SLIT3: variants seen among roughly 807,000 people sequenced by gnomAD.
SLIT3 encodes the protein slit homolog 3 protein.
Under a neutral mutation model 184.0 loss-of-function variants are expected in SLIT3, and 68 were observed. The observed-to-expected ratio is 0.37, with a 90% CI of 0.30 to 0.45. The LOEUF (loss-of-function observed/expected upper bound fraction) is 0.45, where lower values mean the gene tolerates loss of function less well. Among genes scored for constraint, SLIT3 ranks in the 20% least tolerant of loss-of-function variants. The pLI, the probability that SLIT3 is intolerant of heterozygous loss-of-function variation, is 1.00. For missense variants in SLIT3, 1,707 were observed against 2,026.0 expected (o/e 0.84, Z 3.02); for synonymous variants, 831 against 828.6 (o/e 1.00, Z -0.05).
chr5:168,733,380 T>A (rs1763343845), intron 20 of SLIT3, among the ~76,000 whole-genome samples: 1 of 152,192 alleles, frequency 6.6e-6, no homozygotes, highest in Non-Finnish European at 1.5e-5. Context: ...AACAGTATGG[T>A]GATTTCTCAA....
chr5:169,294,259 GAA>G lies in SLIT3; in HGVS notation c.197+6252_197+6253del, dbSNP rs11324544. Among the ~76,000 whole-genome samples the G allele has an allele frequency of 5.7e-3, 743 of 129,918 alleles. 5 individuals are homozygous for G. The highest frequency in any genetic ancestry group is 0.018 in the African/African-American group (605 of 33,914). 85.2% of individuals were successfully genotyped at this position (129,918 alleles called of 152,430 possible). ...AGGAAAAATAGAAGGAATGAGCATTGAAAAAAAAAAAAAAAGTCAGGGCCAAA... is the reference window on the plus strand; with the variant it reads ...AGGAAAAATAGAAGGAATGAGCATTGAAAAAAAAAAAAAGTCAGGGCCAAA... On this transcript the variant is annotated intron_variant, in intron 1 of 35. Coordinates refer to ENST00000519560, the MANE Select transcript of SLIT3 (RefSeq NM_003062.4).
chr5:168,683,004 T>G (rs1391599223), intron 32 of SLIT3, among the ~76,000 whole-genome samples: 1 of 152,156 alleles, frequency 6.6e-6, no homozygotes, highest in African/African-American at 2.4e-5. Flanking sequence ...GAAAAAAATC[T>G]AACATATCCA....
intron 4 of SLIT3, among the ~76,000 whole-genome samples, chr5:169,121,988 G>C (rs1255860428): frequency 6.6e-6 from 1 of 152,212 alleles, no homozygotes; most frequent in Non-Finnish European, 1.5e-5. Flanking sequence ...CACTCACTCG[G>C]TTTACCAAAT....
At chr5:169,106,548 A>G (rs1561668679) in intron 4 of SLIT3, among the ~76,000 whole-genome samples, 1 of 152,204 alleles carries the variant, frequency 6.6e-6, no homozygotes, top group Non-Finnish European at 1.5e-5. Flanking sequence ...CTTTAAAAAA[A>G]TCACCAGTAT....
intron 22 of SLIT3, 126 bp downstream of exon 22, chr5:168,722,807 C>T (rs1228445874): frequency 1.3e-6 from 1 of 745,694 alleles, no homozygotes. Flanking sequence ...GTATCTTATG[C>T]TAGGGCAGCC....
At chr5:168,816,999 C>T (rs1206761483) in intron 8 of SLIT3, among the ~76,000 whole-genome samples, 2 of 152,180 alleles carry the variant, frequency 1.3e-5, no homozygotes, top group African/African-American at 4.8e-5. Flanking sequence ...TACCTGTTTC[C>T]ATTTTATGTG....
chr5:168,951,515 G>C (rs1350823024), intron 4 of SLIT3, among the ~76,000 whole-genome samples: 1 of 152,190 alleles, frequency 6.6e-6, no homozygotes, highest in East Asian at 1.9e-4. Flanking sequence ...GTCAAAGCAC[G>C]AAGGTTCTTG....
intron 4 of SLIT3, among the ~76,000 whole-genome samples, chr5:168,935,313 A>G (rs898437060): frequency 1.3e-5 from 2 of 152,090 alleles, no homozygotes; most frequent in African/African-American, 4.8e-5. Flanking sequence ...TCCACTTCCT[A>G]AAGTCTGAAC....
At chr5:169,229,008 C>T (rs899281711) in intron 3 of SLIT3, among the ~76,000 whole-genome samples, 10 of 152,134 alleles carry the variant, frequency 6.6e-5, no homozygotes, top group African/African-American at 2.4e-4. Flanking sequence ...TCAGCTCTCT[C>T]GTTAAAGGTC....
intron 4 of SLIT3, among the ~76,000 whole-genome samples, chr5:169,067,084 T>C (rs1235887800): frequency 6.6e-6 from 1 of 152,234 alleles, no homozygotes; most frequent in Admixed American, 6.5e-5. Flanking sequence ...GACATCTTTG[T>C]TTATTCTTAT....
rs73802391 is a variant in SLIT3, at chr5:168,762,639, C to A, written c.1510G>T (p.Val504Leu). ...TCACAGCGACACTTCTCGGGGCACA[C>A]GAGGTCCATGAAGCACTCGCTGCTG... is the stretch of plus-strand genomic sequence containing the variant. The part of the protein sequence containing the change: ...RFSSECFMDL[V>L]CPEKCRCEGT... The change falls in exon 15 of 36, where the codon GTG becomes TTG. Residue 504 changes from valine to leucine, a missense_variant. Transcript: ENST00000519560. 1.2e-6 allele frequency: 2 copies of A among 1,614,122 alleles called. No homozygotes were observed. The highest frequency in any genetic ancestry group is 1.7e-6 in the Non-Finnish European group (2 of 1,180,024).
At chr5:168,686,001 A>C (rs1761732121) in intron 30 of SLIT3, 74 bp from the exon 31 acceptor site, 1 of 1,483,002 alleles carries the variant, frequency 6.7e-7, no homozygotes, top group African/African-American at 1.4e-5. Flanking sequence ...ACTCAGGCCA[A>C]AGAACCTCGA....
At chr5:168,727,453 C>T (rs1462921255) in intron 20 of SLIT3, among the ~76,000 whole-genome samples, 1 of 152,200 alleles carries the variant, frequency 6.6e-6, no homozygotes, top group African/African-American at 2.4e-5. Context: ...AGAATGCAGC[C>T]TGTGGACAGT....
chr5:169,172,636 AG>A (rs1282572676), intron 4 of SLIT3, among the ~76,000 whole-genome samples: 2 of 152,192 alleles, frequency 1.3e-5, no homozygotes, highest in African/African-American at 4.8e-5. Flanking sequence ...ACATTTGGGA[AG>A]CTGATGTTCA....
At chr5:169,110,216 A>T (rs1328375653) in intron 4 of SLIT3, among the ~76,000 whole-genome samples, 1 of 152,258 alleles carries the variant, frequency 6.6e-6, no homozygotes, top group Non-Finnish European at 1.5e-5. Flanking sequence ...CTTTCATGTT[A>T]TAACTGCATG....
At chr5:168,804,458 CAGG>C (rs768725711) in intron 9 of SLIT3, among the ~76,000 whole-genome samples, 6 of 151,636 alleles carry the variant, frequency 4.0e-5, no homozygotes, top group African/African-American at 7.3e-5. Flanking sequence ...GTAGGAGGAG[CAGG>C]AGAAGTAGGT....
intron 4 of SLIT3, among the ~76,000 whole-genome samples, chr5:168,965,680 CAG>C (rs1207607066): frequency 1.3e-5 from 2 of 152,234 alleles, no homozygotes; most frequent in African/African-American, 4.8e-5. Context: ...TAAGTACAGA[CAG>C]AATTCTTCTC....
At chr5:169,200,803 T>G (rs2113486982) in intron 3 of SLIT3, among the ~76,000 whole-genome samples, 1 of 152,332 alleles carries the variant, frequency 6.6e-6, no homozygotes, top group African/African-American at 2.4e-5. Flanking sequence ...AGGCTTTTTT[T>G]TTCCTGCTAT....
chr5:168,825,774 G>C (rs1757682462), intron 6 of SLIT3, among the ~76,000 whole-genome samples: 1 of 152,218 alleles, frequency 6.6e-6, no homozygotes, highest in African/African-American at 2.4e-5. Flanking sequence ...ACTGCTATCA[G>C]ACCAGGCACT....
Sources: gnomAD v4.1 joint callset for allele counts (sites outside exome capture counted in the v4.1 genomes callset) on GRCh38, gnomAD v4.1.1 for gene constraint, MANE v1.5 for transcripts, NCBI Gene and HGNC (gene_info 2026-07-23, HGNC 2026-07-21) for gene names.